Variants in WSCD1 observed in about 807,000 individuals in gnomAD.
WSCD1 encodes the protein WSC domain sialate O sulfotransferase 1.
Under a neutral mutation model 60.4 loss-of-function variants are expected in WSCD1, and 41 were observed. The ratio of observed to expected loss-of-function variants is 0.68; its 90% confidence interval spans 0.53 to 0.88. The LOEUF (loss-of-function observed/expected upper bound fraction) is 0.88, where lower values mean the gene tolerates loss of function less well. Among genes scored for constraint, WSCD1 ranks in the 40% least tolerant of loss-of-function variants. WSCD1 has a pLI of 0.00. For synonymous variants in WSCD1, 361 were observed against 332.5 expected, an observed-to-expected ratio of 1.09 and a Z score of -0.93; for missense variants, 784 against 796.2, an observed-to-expected ratio of 0.98 and a Z score of 0.18.
chr17:6,082,302 G>A (rs573541262), intron 2 of WSCD1, among the ~76,000 whole-genome samples: 10 of 152,256 alleles, frequency 6.6e-5, no homozygotes, highest in African/African-American at 1.9e-4. Context: ...CGGGAAGTGG[G>A]ACAGGGAAGG....
rs60856620 is a variant in WSCD1 at position 6,078,303 on chromosome 17, G to A, written c.-288-2068G>A. Among the ~76,000 whole-genome samples the A allele has an allele frequency of 6.3e-3, 963 of 152,350 alleles. 3 individuals carry two copies. Among genetic ancestry groups the A allele is most frequent in the Middle Eastern group, 0.031 (9 of 294 alleles). On this transcript the variant is annotated intron_variant, in intron 1 of 8. Coordinates refer to ENST00000317744, the MANE Select transcript of WSCD1 (RefSeq NM_015253.2). ...AGATTACAGACTTTGGAGGGTAACC[G>A]ACAAGTAGATGGACAGTTCTGATCA...
rs1461807054 is a variant in WSCD1 at position 6,118,813 on chromosome 17, G to A, written c.1375+625G>A. 6.6e-6 allele frequency among the ~76,000 whole-genome samples: 1 copy of A among 152,204 alleles called. No homozygotes were observed. Among genetic ancestry groups the A allele is most frequent in the Non-Finnish European group, 1.5e-5 (1 of 68,038 alleles). On this transcript the variant is annotated intron_variant, in intron 8 of 8. Transcript: ENST00000317744. This position sits in a 1 kb window ranked among gnomAD's most constrained non-coding sequence, Gnocchi z 5.8. ...CAGGACTTGGCCTTGGTGGTGAGCA[G>A]CAGAGCTGGGACTCACACCCAATGT...
rs750443410 is a variant in WSCD1 at position 6,109,717 on chromosome 17, G to A, written c.960G>A (p.Glu320=). The change falls in exon 6 of 9, where the codon GAG becomes GAA. Residue 320 remains glutamate, a synonymous_variant. Transcript: ENST00000317744. ...GCTCAGTATGTGGCCAGGACCCTGA[G>A]GCACAGAGGCTGGCAGAATACTGTG... ...MDSSVCGQDP[E]AQRLAEYCEV... 6.2e-7 allele frequency: 1 copy of A among 1,614,122 alleles called. No individual in the cohort carries two copies. Among genetic ancestry groups the A allele is most frequent in the Admixed American group, 1.7e-5 (1 of 60,016 alleles).
At position 6,118,124 on chromosome 17, in the gene WSCD1, A is replaced by C. The variant is rs1374280321; in HGVS notation, c.1311A>C (p.Ala437=). 1 of 1,614,256 alleles carries C rather than the reference A, an allele frequency of 6.2e-7. No individual in the cohort carries two copies. The change falls in exon 8 of 9, where the codon GCA becomes GCC. Residue 437 remains alanine (A), a synonymous_variant. Transcript: ENST00000317744. The surrounding 1 kb of genome is among the most constrained non-coding windows in gnomAD (Gnocchi z 5.8). ...LIRNPYRSLV[A]EFNRKCAGHL... ...GGAACCCATACAGGTCCCTGGTGGCAGAATTCAACAGAAAATGTGCCGGGC... is the reference window on the plus strand; with the variant it reads ...GGAACCCATACAGGTCCCTGGTGGCCGAATTCAACAGAAAATGTGCCGGGC...
chr17:6,086,250 CAT>C (rs61690560), intron 2 of WSCD1, among the ~76,000 whole-genome samples: 2,236 of 98,080 alleles, frequency 0.023, 283 homozygotes, highest in African/African-American at 0.089. Flanking sequence ...GTCCTGACTT[CAT>C]ATATATATAT....
intron 4 of WSCD1, among the ~76,000 whole-genome samples, chr17:6,093,241 T>C (rs1910173801): frequency 6.6e-6 from 1 of 152,228 alleles, no homozygotes; most frequent in Non-Finnish European, 1.5e-5. Context: ...ACTTCCTTCT[T>C]TAGCGGCTCA....
intron 5 of WSCD1, among the ~76,000 whole-genome samples, chr17:6,108,017 T>G (rs1911194215): frequency 6.6e-6 from 1 of 152,104 alleles, no homozygotes; most frequent in Non-Finnish European, 1.5e-5. Flanking sequence ...CGGGAGAGGC[T>G]TTCCTTGGGG....
At chr17:6,109,295 G>A (rs989917379) in intron 5 of WSCD1, among the ~76,000 whole-genome samples, 2 of 152,162 alleles carry the variant, frequency 1.3e-5, no homozygotes, top group Non-Finnish European at 2.9e-5. Context: ...TCTGCCCCCT[G>A]CTTTCTGCAC....
At chr17:6,072,687 A>C (rs1908616124) in intron 1 of WSCD1, among the ~76,000 whole-genome samples, 1 of 152,208 alleles carries the variant, frequency 6.6e-6, no homozygotes, top group South Asian at 2.1e-4. Flanking sequence ...AGGGCTGCTC[A>C]TCTGGGGAAT....
chr17:6,106,964 G>C (rs1207690993), intron 5 of WSCD1, among the ~76,000 whole-genome samples: 1 of 152,172 alleles, frequency 6.6e-6, no homozygotes, highest in Non-Finnish European at 1.5e-5. Flanking sequence ...TCATCAACTT[G>C]GCTGCTATGA....
chr17:6,076,854 CA>C (rs1385275712), intron 1 of WSCD1, among the ~76,000 whole-genome samples: 2 of 151,302 alleles, frequency 1.3e-5, no homozygotes, highest in Non-Finnish European at 3.0e-5. Flanking sequence ...GTAGATGCTC[CA>C]AGTTTCCCAG....
intron 5 of WSCD1, among the ~76,000 whole-genome samples, chr17:6,102,089 T>C (rs926171328): frequency 6.6e-6 from 1 of 152,230 alleles, no homozygotes; most frequent in African/African-American, 2.4e-5. Context: ...TCTTTTAGCC[T>C]CTTTTGGGCG....
intron 1 of WSCD1, among the ~76,000 whole-genome samples, chr17:6,078,254 G>A: frequency 6.6e-6 from 1 of 152,246 alleles, no homozygotes; most frequent in South Asian, 2.1e-4. Context: ...GAAAATGAAT[G>A]AGGCATGGCC....
chr17:6,111,427 G>A lies in WSCD1; in HGVS notation c.1174+492G>A, dbSNP rs529744901. ...ACATGAAAAAGCAAGGAGGCCAGGC[G>A]CAGTGGCTCACGCCTGTAATCCTAA... On this transcript the variant is annotated intron_variant, in intron 7 of 8. Coordinates refer to ENST00000317744, the MANE Select transcript of WSCD1 (RefSeq NM_015253.2). Among the ~76,000 whole-genome samples, 15 of 152,306 alleles carry A rather than the reference G, an allele frequency of 9.8e-5. No homozygotes were observed. In the East Asian group the frequency reaches 2.7e-3, roughly 27 times the overall value.
chr17:6,069,202 C>A (rs926958616), upstream of WSCD1: 12 of 398,614 alleles, frequency 3.0e-5, no homozygotes, highest in Admixed American at 1.3e-4. Flanking sequence ...TAGCAGCCAG[C>A]TCCGGGTGAG....
At chr17:6,092,385 A>C (rs1910115885) in intron 4 of WSCD1, among the ~76,000 whole-genome samples, 1 of 152,038 alleles carries the variant, frequency 6.6e-6, no homozygotes, top group South Asian at 2.1e-4. Flanking sequence ...TCTTGCATTC[A>C]GACAGGATGT....
Position 6,123,504 on chromosome 17 carries a change from G to T in WSCD1, c.*2843G>T, listed in dbSNP as rs917156875. On this transcript the variant is annotated 3_prime_UTR_variant, in exon 9 of 9. Coordinates refer to ENST00000317744, the MANE Select transcript of WSCD1 (RefSeq NM_015253.2). ...TTGCAGCTAAAATTAGATTTTGAGT[G>T]CATGAATCTGTGATAATGTTTGCAT... 2 of 152,194 alleles carry T rather than the reference G, an allele frequency of 1.3e-5. No individual in the cohort carries two copies. The highest frequency in any genetic ancestry group is 4.8e-5 in the African/African-American group (2 of 41,448). The allele number at this position is 152,194 out of a possible 1,614,324, so 9.4% of individuals were successfully genotyped here.
chr17:6,076,925 G>A lies in WSCD1; in HGVS notation c.-288-3446G>A, dbSNP rs549257937. ...AGCAAACATTTACCATCACTGCCCT[G>A]CTAGCTGTGTGCTGGGATCTGGGAA... On this transcript the variant is annotated intron_variant, in intron 1 of 8. Coordinates refer to ENST00000317744, the MANE Select transcript of WSCD1 (RefSeq NM_015253.2). 3.3e-5 allele frequency among the ~76,000 whole-genome samples: 5 copies of A among 152,294 alleles called. No homozygotes were observed. In the South Asian group the frequency reaches 1.0e-3, roughly 32 times the overall value.
chr17:6,117,078 C>T (rs773134547), intron 7 of WSCD1, among the ~76,000 whole-genome samples: 1 of 152,194 alleles, frequency 6.6e-6, no homozygotes, highest in Non-Finnish European at 1.5e-5. Context: ...AGTCTTAACC[C>T]TCTGTCCCCA....
Sources: allele counts gnomAD v4.1 joint callset (sites outside exome capture counted in the v4.1 genomes callset), GRCh38; gene constraint gnomAD v4.1.1; non-coding constraint Gnocchi (gnomAD v3.1); transcripts MANE v1.5; gene names NCBI Gene and HGNC (gene_info 2026-07-23, HGNC 2026-07-21).